Variants in NLRP5 observed in about 807,000 individuals in gnomAD.
NLRP5 encodes the protein NLR family pyrin domain containing 5.
A neutral mutation model predicts 113.1 loss-of-function variants in NLRP5; 93 were observed. The ratio of observed to expected loss-of-function variants is 0.82; its 90% CI spans 0.70 to 0.98. NLRP5 has a LOEUF of 0.98. Ranked by LOEUF, NLRP5 falls within the 50% of genes least tolerant of loss-of-function variation. NLRP5 has a pLI of 0.00. For synonymous variants in NLRP5, 751 were observed against 600.7 expected (o/e 1.25, Z -3.66); for missense variants, 1,808 against 1,514.3 (o/e 1.19, Z -3.22).
intron 3 of NLRP5, among the ~76,000 whole-genome samples, chr19:56,014,181 T>TA (rs1041597145): frequency 4.6e-5 from 7 of 152,092 alleles, no homozygotes; most frequent in South Asian, 4.1e-4. Context: ...GTTATATCTT[T>TA]AAAAAAATTG....
At chr19:56,051,831 A>C (rs1017608845) in intron 12 of NLRP5, among the ~76,000 whole-genome samples, 1 of 152,178 alleles carries the variant, frequency 6.6e-6, no homozygotes, top group Non-Finnish European at 1.5e-5. Context: ...TTGCTTATTC[A>C]TTACAAAGGC....
At chr19:56,026,548 A>AT (rs1982858442) in intron 6 of NLRP5, among the ~76,000 whole-genome samples, 1 of 149,366 alleles carries the variant, frequency 6.7e-6, no homozygotes, top group Non-Finnish European at 1.5e-5. Context: ...AAAAAAAAAA[A>AT]ATAGACTGGC....
At position 56,035,811 on chromosome 19, in the gene NLRP5, A is replaced by G. The variant is rs142075102; in HGVS notation, c.2615+2102A>G. Among the ~76,000 whole-genome samples, 667 of 152,236 alleles carry G rather than the reference A, an allele frequency of 4.4e-3. 2 individuals are homozygous for G. Among genetic ancestry groups the G allele is most frequent in the Non-Finnish European group, 7.8e-3 (530 of 68,008 alleles). The stretch of plus-strand genomic sequence containing the variant: ...ATGGGATGATCAGCTAAGTCTCTAA[A>G]TGGGAGACTTTGACATTGGAAGATG... On this transcript the variant is annotated intron_variant, in intron 9 of 14. Transcript: ENST00000390649.
chr19:56,053,348 A>G (rs567153793), intron 12 of NLRP5, among the ~76,000 whole-genome samples: 1 of 152,212 alleles, frequency 6.6e-6, no homozygotes, highest in African/African-American at 2.4e-5. Context: ...GTGAGCCGAG[A>G]TCACACCATT....
chr19:56,041,103 C>T lies in NLRP5; in HGVS notation c.2957+11C>T. On this transcript the variant is annotated intron_variant, in intron 11 of 14. Coordinates refer to ENST00000390649, the MANE Select transcript of NLRP5 (RefSeq NM_153447.4). ...TCTGCAGAGGCTGATGTGAGTCTGG[C>T]TTGCTCCCCTGCAAGGACTTCCTAG... 1 of 1,612,960 alleles carries T rather than the reference C, an allele frequency of 6.2e-7. No individual in the cohort carries two copies. The highest frequency in any genetic ancestry group is 8.5e-7 in the Non-Finnish European group (1 of 1,179,230).
the NLRP5 span, among the ~76,000 whole-genome samples, chr19:55,991,391 T>TA: frequency 2.6e-5 from 4 of 152,212 alleles, no homozygotes; most frequent in Admixed American, 2.6e-4. Flanking sequence ...ACATTGAGTT[T>TA]CTTGTCCTGA....
At chr19:56,019,531 C>T (rs1418196360) in intron 5 of NLRP5, 133 bp downstream of exon 5, 9 of 982,604 alleles carry the variant, frequency 9.2e-6, no homozygotes, top group African/African-American at 3.3e-5. Context: ...CTGGTGTCAA[C>T]CCCTTCCCTT....
chr19:56,020,296 A>G, intron 5 of NLRP5, 79 bp from the exon 6 acceptor site: 1 of 1,553,246 alleles, frequency 6.4e-7, no homozygotes, highest in Non-Finnish European at 8.9e-7. Context: ...ATATGGCATG[A>G]CTAAGCTTAT....
chr19:56,060,841 A>G (rs1984326829), intron 14 of NLRP5, among the ~76,000 whole-genome samples: 1 of 151,964 alleles, frequency 6.6e-6, no homozygotes, highest in Non-Finnish European at 1.5e-5. Context: ...TTGTCGGGGG[A>G]AAAAAGCCCT....
At chr19:56,000,408 A>G (rs1981597628) in intron 1 of NLRP5, among the ~76,000 whole-genome samples, 1 of 151,982 alleles carries the variant, frequency 6.6e-6, no homozygotes, top group Admixed American at 6.6e-5. Context: ...TCTGTCACCC[A>G]GGCTGGAGTG....
chr19:56,048,011 G>T (rs563162165), intron 11 of NLRP5, among the ~76,000 whole-genome samples: 3 of 152,234 alleles, frequency 2.0e-5, no homozygotes, highest in South Asian at 4.1e-4. Context: ...TTGCTTTAAC[G>T]TTTGTTTCAT....
chr19:55,997,153 C>T (rs1238707538), upstream of NLRP5, among the ~76,000 whole-genome samples: 3 of 152,122 alleles, frequency 2.0e-5, no homozygotes, highest in East Asian at 3.9e-4. Context: ...AGTGTCTGTT[C>T]ATATCCTTTG....
intron 6 of NLRP5, among the ~76,000 whole-genome samples, chr19:56,024,416 A>G (rs1324905883): frequency 8.0e-6 from 1 of 125,106 alleles, no homozygotes; most frequent in South Asian, 2.6e-4. Context: ...ATATATGTAT[A>G]TATGTTATAT....
At chr19:56,042,401 T>A (rs1028739214) in intron 11 of NLRP5, among the ~76,000 whole-genome samples, 1 of 152,152 alleles carries the variant, frequency 6.6e-6, no homozygotes, top group South Asian at 2.1e-4. Context: ...TGGAGTGGCA[T>A]GGCGCAATCT....
At chr19:56,056,191 C>T (rs935298360) in intron 13 of NLRP5, among the ~76,000 whole-genome samples, 1 of 152,152 alleles carries the variant, frequency 6.6e-6, no homozygotes, top group Non-Finnish European at 1.5e-5. Flanking sequence ...AAATCATTTA[C>T]TAGGAAAGCC....
At chr19:55,989,476 C>A in the NLRP5 span, among the ~76,000 whole-genome samples, 1 of 152,212 alleles carries the variant, frequency 6.6e-6, no homozygotes, top group African/African-American at 2.4e-5. Flanking sequence ...TGGTCTCGAA[C>A]TCCTGACCTC....
chr19:56,055,881 C>A (rs1157524221), intron 13 of NLRP5, among the ~76,000 whole-genome samples: 2 of 152,104 alleles, frequency 1.3e-5, no homozygotes, highest in African/African-American at 4.8e-5. Flanking sequence ...TCTCCCTTAG[C>A]CTTCTGTTCT....
chr19:56,023,025 G>A lies in NLRP5; in HGVS notation c.679+2594G>A, dbSNP rs565662724. 6.5e-4 allele frequency among the ~76,000 whole-genome samples: 99 copies of A among 152,290 alleles called. 1 individual carries two copies. The highest frequency in any genetic ancestry group is 1.3e-4 in the Non-Finnish European group (9 of 68,012). ...ACAGGCGTGAGCCACTGCACCCAGC[G>A]AGACAAAAGATGAGTTTTTGATGCT... On this transcript the variant is annotated intron_variant, in intron 6 of 14. Coordinates refer to ENST00000390649, the MANE Select transcript of NLRP5 (RefSeq NM_153447.4).
chr19:56,054,914 T>TTA (rs1041917599), intron 13 of NLRP5, among the ~76,000 whole-genome samples: 3 of 151,918 alleles, frequency 2.0e-5, no homozygotes, highest in Non-Finnish European at 4.4e-5. Flanking sequence ...TGTGTGCTGC[T>TTA]TATAACCCTC....
Sources: allele counts gnomAD v4.1 joint callset (sites outside exome capture counted in the v4.1 genomes callset), GRCh38; gene constraint gnomAD v4.1.1; transcripts MANE v1.5; gene names NCBI Gene and HGNC (gene_info 2026-07-23, HGNC 2026-07-21).